Variants in CNNM1 observed in about 807,000 individuals in gnomAD.
CNNM1 encodes metal transporter CNNM1.
Under a neutral mutation model 78.8 loss-of-function variants are expected in CNNM1, and 44 were observed. The ratio of observed to expected loss-of-function variants is 0.56; its 90% CI spans 0.44 to 0.72. CNNM1 has a LOEUF of 0.72. Among genes scored for constraint, CNNM1 ranks in the 30% least tolerant of loss-of-function variants. The probability of loss-of-function intolerance (pLI) is 0.00; values close to 1 mark genes in which losing one functional copy is unlikely to be tolerated. For synonymous variants in CNNM1, 584 were observed against 581.5 expected, an observed-to-expected ratio of 1.00 and a Z score of -0.06; for missense variants, 1,101 against 1,292.2, an observed-to-expected ratio of 0.85 and a Z score of 2.27.
intron 7 of CNNM1, among the ~76,000 whole-genome samples, chr10:99,379,150 T>G (rs2032063024): frequency 6.6e-6 from 1 of 152,158 alleles, no homozygotes; most frequent in South Asian, 2.1e-4. Context: ...GGGAAAGAAA[T>G]GGAAAATCAT....
chr10:99,351,308 C>T (rs1371542848), intron 1 of CNNM1, among the ~76,000 whole-genome samples: 1 of 152,196 alleles, frequency 6.6e-6, no homozygotes, highest in Non-Finnish European at 1.5e-5. Context: ...CAAAGAGACC[C>T]TTTCCCAAAC....
chr10:99,386,058 C>G (rs2032294295), intron 7 of CNNM1, among the ~76,000 whole-genome samples: 1 of 152,284 alleles, frequency 6.6e-6, no homozygotes, highest in East Asian at 1.9e-4. Context: ...GTGTTTTCAA[C>G]AAGAACATTG....
intron 1 of CNNM1, among the ~76,000 whole-genome samples, chr10:99,337,384 C>T (rs1385787710): frequency 2.6e-5 from 4 of 152,198 alleles, no homozygotes; most frequent in African/African-American, 9.6e-5. Flanking sequence ...CCAGCCTCAT[C>T]GCTCACCACT....
At chr10:99,346,908 C>G (rs1038084471) in intron 1 of CNNM1, among the ~76,000 whole-genome samples, 5 of 152,182 alleles carry the variant, frequency 3.3e-5, no homozygotes, top group Admixed American at 2.6e-4. Flanking sequence ...CTGCACTCGG[C>G]CTTATGTCTA....
At chr10:99,378,861 G>A (rs1319436041) in intron 7 of CNNM1, among the ~76,000 whole-genome samples, 4 of 152,182 alleles carry the variant, frequency 2.6e-5, no homozygotes, top group South Asian at 2.1e-4. Flanking sequence ...TAGAGTGAGC[G>A]GCAGGACATC....
At chr10:99,359,382 CT>C (rs2134046397) in intron 2 of CNNM1, among the ~76,000 whole-genome samples, 1 of 152,286 alleles carries the variant, frequency 6.6e-6, no homozygotes, top group South Asian at 2.1e-4. Context: ...AGGTTAGGGT[CT>C]TTCTACCTAT....
chr10:99,377,964 T>C (rs1214043119), intron 7 of CNNM1, among the ~76,000 whole-genome samples: 1 of 141,190 alleles, frequency 7.1e-6, no homozygotes, highest in African/African-American at 2.8e-5. Flanking sequence ...TAGGTTCTTT[T>C]TTTTTTTTTT....
chr10:99,391,000 A>T (rs2032455958), intron 10 of CNNM1, among the ~76,000 whole-genome samples: 1 of 152,238 alleles, frequency 6.6e-6, no homozygotes, highest in South Asian at 2.1e-4. Flanking sequence ...CTTCAGAGCT[A>T]GAGAACGCAG....
chr10:99,384,890 A>C (rs1335647248), intron 7 of CNNM1, among the ~76,000 whole-genome samples: 3 of 152,094 alleles, frequency 2.0e-5, no homozygotes, highest in African/African-American at 7.2e-5. Flanking sequence ...AATATGGTGA[A>C]ACCCCGTATC....
At chr10:99,351,801 C>T (rs1250964328) in intron 1 of CNNM1, among the ~76,000 whole-genome samples, 1 of 152,098 alleles carries the variant, frequency 6.6e-6, no homozygotes, top group African/African-American at 2.4e-5. Context: ...AAGTTATTAC[C>T]CAAGTCCAAA....
At chr10:99,388,839 G>C (rs544295376) in intron 9 of CNNM1, among the ~76,000 whole-genome samples, 6 of 152,152 alleles carry the variant, frequency 3.9e-5, no homozygotes, top group Non-Finnish European at 8.8e-5. Context: ...TTGACCAAAG[G>C]TGTAGCCTAT....
At chr10:99,352,904 A>G (rs960060084) in intron 1 of CNNM1, among the ~76,000 whole-genome samples, 2 of 151,808 alleles carry the variant, frequency 1.3e-5, no homozygotes, top group Non-Finnish European at 2.9e-5. Context: ...TGGGTGTCCT[A>G]AGAAATCAAT....
In CNNM1 at chr10:99,362,351, C is replaced by T. The variant is rs753029505; in HGVS notation, c.1983C>T (p.Leu661=). 1 of 1,614,030 alleles carries T rather than the reference C, an allele frequency of 6.2e-7. No individual in the cohort carries two copies. Among genetic ancestry groups the T allele is most frequent in the Non-Finnish European group, 8.5e-7 (1 of 1,179,878 alleles). The change falls in exon 4 of 11, where the codon CTC becomes CTT. Residue 661 remains leucine, a synonymous_variant. Coordinates refer to ENST00000356713, the MANE Select transcript of CNNM1 (RefSeq NM_020348.3). ...EKNKKAPEHY[L]YQRNRPVDYF... ...ACAAGAAGGCCCCGGAACACTACCT[C>T]TACCAGCGCAACCGCCCTGTGGACT...
intron 7 of CNNM1, among the ~76,000 whole-genome samples, chr10:99,378,242 G>A (rs767768918): frequency 7.9e-5 from 12 of 152,158 alleles, no homozygotes; most frequent in Non-Finnish European, 1.3e-4. Context: ...GATTACAGGC[G>A]TGAGCCACCG....
chr10:99,343,646 C>T (rs72841962), intron 1 of CNNM1, among the ~76,000 whole-genome samples: 23 of 152,270 alleles, frequency 1.5e-4, no homozygotes, highest in Non-Finnish European at 2.9e-4. Context: ...CCAGCACCTT[C>T]GTTGACTAGC....
chr10:99,331,639 G>T (rs1165608034), intron 1 of CNNM1, among the ~76,000 whole-genome samples: 3 of 152,188 alleles, frequency 2.0e-5, no homozygotes, highest in Non-Finnish European at 4.4e-5. Context: ...AGCTGAGGCG[G>T]GAGGATTACT....
At position 99,330,882 on chromosome 10, in the gene CNNM1, A is replaced by G; in HGVS notation, c.1495A>G (p.Thr499Ala). 6.2e-7 allele frequency: 1 copy of G among 1,613,948 alleles called. No individual in the cohort carries two copies. Among genetic ancestry groups the G allele is most frequent in the Non-Finnish European group, 8.5e-7 (1 of 1,179,988 alleles). Residue 499 changes from threonine (T) to alanine (A), a missense_variant, in exon 1 of 11, where the codon ACC becomes GCC. By Grantham distance (58) the Thr-to-Ala change is moderately conservative. This residue lies in a region of CNNM1 where 277 missense variants were observed against 423.2 expected (regional missense o/e 0.65). Coordinates refer to ENST00000356713, the MANE Select transcript of CNNM1 (RefSeq NM_020348.3). ...PDDCTPLLTV[T>A]RFYNRPLHCV... ...CGACTGCACCCCGCTCCTCACTGTCACCCGCTTCTACAACCGGCCCCTGCA... is the reference window on the plus strand; with the variant it reads ...CGACTGCACCCCGCTCCTCACTGTCGCCCGCTTCTACAACCGGCCCCTGCA...
At chr10:99,380,021 CTTT>C (rs34165882) in intron 7 of CNNM1, among the ~76,000 whole-genome samples, 59 of 103,898 alleles carry the variant, frequency 5.7e-4, no homozygotes, top group Admixed American at 9.6e-4. Flanking sequence ...TAAACTCTCT[CTTT>C]TTTTTTTTTT....
At chr10:99,362,205 C>G (rs948371765) in intron 3 of CNNM1, 22 bp from the exon 4 acceptor site, 3 of 1,588,108 alleles carry the variant, frequency 1.9e-6, no homozygotes, top group Admixed American at 3.5e-5. Context: ...TGATTCCTCC[C>G]TTCCCACTCA....
Sources: allele counts gnomAD v4.1 joint callset (sites outside exome capture counted in the v4.1 genomes callset), GRCh38; gene constraint gnomAD v4.1.1; regional missense constraint gnomAD v4.1.1; transcripts MANE v1.5; gene names NCBI Gene and HGNC (gene_info 2026-07-23, HGNC 2026-07-21).